Variants in EPHA8 observed in about 807,000 individuals in gnomAD.
EPHA8 encodes ephrin type-A receptor 8.
In EPHA8, 58 loss-of-function variants were observed where a neutral mutation model predicts 103.6. The observed-to-expected ratio is 0.56, with a 90% CI of 0.45 to 0.70. The LOEUF (loss-of-function observed/expected upper bound fraction) is 0.70. Ranked by LOEUF, EPHA8 falls within the 30% of genes least tolerant of loss-of-function variation. EPHA8 has a pLI of 0.00. For synonymous variants in EPHA8, 559 were observed against 572.5 expected, an observed-to-expected ratio of 0.98 and a Z score of 0.34; for missense variants, 1,304 against 1,395.2, an observed-to-expected ratio of 0.93 and a Z score of 1.04.
chr1:22,601,501 A>G (rs370009826), intron 16 of EPHA8, 28 bp downstream of exon 16: 17 of 1,558,226 alleles, frequency 1.1e-5, no homozygotes, highest in Non-Finnish European at 1.4e-5. Context: ...CTGGGGCCCC[A>G]TGCGTGTGGG....
chr1:22,594,436 G>A (rs999359464), intron 7 of EPHA8, among the ~76,000 whole-genome samples: 2 of 152,214 alleles, frequency 1.3e-5, no homozygotes, highest in South Asian at 2.1e-4. Context: ...CCAAAAATGC[G>A]AATTCCCAGT....
At position 22,576,625 on chromosome 1, in the gene EPHA8, G is replaced by T. The variant is rs768686298; in HGVS notation, c.568G>T (p.Ala190Ser). 21 of 1,613,860 alleles carry T rather than the reference G, an allele frequency of 1.3e-5. No homozygotes were observed. Among genetic ancestry groups the T allele is most frequent in the Non-Finnish European group, 1.7e-5 (20 of 1,180,032 alleles). ...GFYLAFQDIG[A>S]CLAILSLRIY... Reference sequence around the variant, plus strand: ...CTACCTGGCCTTCCAGGACATAGGTGCCTGCCTGGCCATCCTCTCTCTCCG... The same window carrying T: ...CTACCTGGCCTTCCAGGACATAGGTTCCTGCCTGGCCATCCTCTCTCTCCG... The change falls in exon 3 of 17, where the codon GCC becomes TCC. Residue 190 changes from alanine (A) to serine (S), a missense_variant. Transcript: ENST00000166244. This position sits in a 1 kb window ranked among gnomAD's most constrained non-coding sequence, Gnocchi z 4.8.
Position 22,601,091 on chromosome 1 carries a change from G to A in EPHA8, c.2729+3G>A. The A allele has an allele frequency of 6.2e-7, 1 of 1,600,694 alleles. No homozygotes were observed. The highest frequency in any genetic ancestry group is 8.5e-7 in the Non-Finnish European group (1 of 1,173,446). On this transcript the variant is annotated splice_donor_region_variant and intron_variant, in intron 15 of 16. Coordinates refer to ENST00000166244, the MANE Select transcript of EPHA8 (RefSeq NM_020526.5). Reference sequence around the variant, plus strand: ...AGGGCCACCGCCACAGTCAGCAGGTGCCTTGTGCCCACCCCAGCTCCTTGA... The same window carrying A: ...AGGGCCACCGCCACAGTCAGCAGGTACCTTGTGCCCACCCCAGCTCCTTGA...
chr1:22,578,976 T>C (rs663304), intron 3 of EPHA8, among the ~76,000 whole-genome samples: 48,679 of 146,582 alleles, frequency 0.33, 9,970 homozygotes, highest in African/African-American at 0.6. Flanking sequence ...TGTTCATGTG[T>C]GTGAGTGTAT....
intron 3 of EPHA8, among the ~76,000 whole-genome samples, chr1:22,578,825 A>G (rs111161986): frequency 0.091 from 13,497 of 147,884 alleles, 642 homozygotes; most frequent in South Asian, 0.19. Context: ...GTACATGTGC[A>G]TGCCTGTGTG....
intron 4 of EPHA8, among the ~76,000 whole-genome samples, chr1:22,587,950 C>T (rs1475824034): frequency 2.6e-5 from 4 of 152,150 alleles, no homozygotes; most frequent in African/African-American, 7.2e-5. Context: ...TCAGGCAAGT[C>T]GAGTCTGGCC....
At position 22,598,061 on chromosome 1, in the gene EPHA8, G is replaced by A. The variant is rs1342945996; in HGVS notation, c.2117-90G>A. On this transcript the variant is annotated intron_variant, in intron 11 of 16. Transcript: ENST00000166244. This position sits in a 1 kb window ranked among gnomAD's most constrained non-coding sequence, Gnocchi z 5.1. Reference sequence around the variant, plus strand: ...CCCTGGGGTTTCCAGTGCTGGCACAGGTCCTGAGATGGTGGTATGCTCCTG... The same window carrying A: ...CCCTGGGGTTTCCAGTGCTGGCACAAGTCCTGAGATGGTGGTATGCTCCTG... 2.0e-6 allele frequency: 3 copies of A among 1,490,474 alleles called. No individual in the cohort carries two copies. The South Asian group carries it at 3.4e-5, about 17-fold the overall frequency. The allele number at this position is 1,490,474 out of a possible 1,614,324, so 92.3% of individuals were successfully genotyped here.
intron 1 of EPHA8, among the ~76,000 whole-genome samples, chr1:22,568,892 G>A (rs2124509282): frequency 6.6e-6 from 1 of 152,306 alleles, no homozygotes; most frequent in East Asian, 1.9e-4. Flanking sequence ...TTACAGAGGA[G>A]GAAGCTGAGA....
At chr1:22,579,480 G>A (rs1391577397) in intron 3 of EPHA8, among the ~76,000 whole-genome samples, 3 of 151,734 alleles carry the variant, frequency 2.0e-5, no homozygotes, top group Admixed American at 1.3e-4. Flanking sequence ...ATGTATACGT[G>A]AGTGTATGTC....
Position 22,589,595 on chromosome 1 carries a change from C to A in EPHA8, c.1315+389C>A. The A allele has an allele frequency of 7.7e-7, 1 of 1,303,548 alleles. No individual in the cohort carries two copies. The highest frequency in any genetic ancestry group is 9.7e-7 in the Non-Finnish European group (1 of 1,031,352). 80.7% of individuals were successfully genotyped at this position (1,303,548 alleles called of 1,614,324 possible). On this transcript the variant is annotated intron_variant, in intron 5 of 16. Coordinates refer to ENST00000166244, the MANE Select transcript of EPHA8 (RefSeq NM_020526.5). The surrounding 1 kb of genome is among the most constrained non-coding windows in gnomAD (Gnocchi z 4.3). ...CCCAGCACCTGGCCCGTGGTAAATGCTCAATAAATGTCATTAAAAAATAAA... is the reference window on the plus strand; with the variant it reads ...CCCAGCACCTGGCCCGTGGTAAATGATCAATAAATGTCATTAAAAAATAAA...
In EPHA8 at chr1:22,589,334, C is replaced by A. The variant is rs762939441; in HGVS notation, c.1315+128C>A. 1.9e-6 allele frequency: 3 copies of A among 1,604,392 alleles called. No homozygotes were observed. Among genetic ancestry groups the A allele is most frequent in the Non-Finnish European group, 2.5e-6 (3 of 1,176,542 alleles). ...TTAGGCAAGTGCCTCTCTGGCCCTG[C>A]GCTCCTCACCAGGACCCAGAGCTGG... On this transcript the variant is annotated intron_variant, in intron 5 of 16. Coordinates refer to ENST00000166244, the MANE Select transcript of EPHA8 (RefSeq NM_020526.5). This position sits in a 1 kb window ranked among gnomAD's most constrained non-coding sequence, Gnocchi z 4.3.
chr1:22,600,067 TGGAG>T (rs148234823), intron 13 of EPHA8, among the ~76,000 whole-genome samples: 2,329 of 45,754 alleles, frequency 0.051, 117 homozygotes, highest in African/African-American at 0.15. Context: ...GAAGGGGGGA[TGGAG>T]GGAGGAAGGA....
intron 1 of EPHA8, among the ~76,000 whole-genome samples, chr1:22,565,248 GAC>G (rs1261700085): frequency 1.3e-5 from 2 of 152,214 alleles, no homozygotes. Flanking sequence ...AACACACACA[GAC>G]ACAGATAAAA....
intron 3 of EPHA8, among the ~76,000 whole-genome samples, chr1:22,579,044 T>C (rs1270472604): frequency 6.8e-6 from 1 of 146,546 alleles, no homozygotes; most frequent in Admixed American, 7.2e-5. Context: ...TGCATGTGTG[T>C]GCATTTGTGC....
rs114456592 is a variant in EPHA8 at position 22,572,563 on chromosome 1, C to T, written c.159+3210C>T. Among the ~76,000 whole-genome samples, 1,189 of 152,330 alleles carry T rather than the reference C, an allele frequency of 7.8e-3. 11 individuals carry two copies. Among genetic ancestry groups the T allele is most frequent in the African/African-American group, 0.027 (1,119 of 41,558 alleles). On this transcript the variant is annotated intron_variant, in intron 2 of 16. Coordinates refer to ENST00000166244, the MANE Select transcript of EPHA8 (RefSeq NM_020526.5). ...GCTCTGGCTAATTAACATGGACTAA[C>T]GAATGCTGCTTTAGGTAAGTGGGCA... is the stretch of plus-strand genomic sequence containing the variant.
chr1:22,598,944 C>T lies in EPHA8; in HGVS notation c.2285C>T (p.Ala762Val). 6.2e-7 allele frequency: 1 copy of T among 1,612,410 alleles called. No homozygotes were observed. The highest frequency in any genetic ancestry group is 8.5e-7 in the Non-Finnish European group (1 of 1,179,746). ...CTGGGCTATGTCCACCGAGACCTGG[C>T]CGCCCGCAACGTCCTGGTTGACAGC... is the stretch of plus-strand genomic sequence containing the variant. Reference protein sequence around the residue: ...SDLGYVHRDLAARNVLVDSNL... With the variant: ...SDLGYVHRDLVARNVLVDSNL... The change falls in exon 13 of 17, where the codon GCC becomes GTC. Residue 762 changes from alanine to valine, a missense_variant. Transcript: ENST00000166244. This position sits in a 1 kb window ranked among gnomAD's most constrained non-coding sequence, Gnocchi z 5.1.
intron 3 of EPHA8, among the ~76,000 whole-genome samples, chr1:22,578,870 CGTGTCCGTGTGTCCGTGTGTGCAT>C: frequency 8.1e-6 from 1 of 123,854 alleles, no homozygotes; most frequent in East Asian, 2.4e-4. Context: ...TGTATATGCA[CGTGTCCGTGTGTCCGTGTGTGCAT>C]GTGTGCATGT....
chr1:22,591,089 CT>C (rs1641360999), intron 5 of EPHA8, among the ~76,000 whole-genome samples: 1 of 152,018 alleles, frequency 6.6e-6, no homozygotes, highest in African/African-American at 2.4e-5. Context: ...CCTGAGTGAG[CT>C]TTAAAAATAG....
chr1:22,599,018 G>A lies in EPHA8; in HGVS notation c.2359G>A (p.Asp787Asn). The A allele has an allele frequency of 6.2e-7, 1 of 1,609,806 alleles. No individual in the cohort carries two copies. The highest frequency in any genetic ancestry group is 8.5e-7 in the Non-Finnish European group (1 of 1,178,672). The change falls in exon 13 of 17, where the codon GAC becomes AAC. Residue 787 changes from aspartate to asparagine, a missense_variant. By Grantham distance (23) the Asp-to-Asn change is conservative. Coordinates refer to ENST00000166244, the MANE Select transcript of EPHA8 (RefSeq NM_020526.5). ...CTTCGGGCTCTCACGGGTGCTGGAG[G>A]ACGACCCGGATGCTGCCTACACCAC... ...SDFGLSRVLE[D>N]DPDAAYTTTG... is the part of the protein sequence containing the mutation.
Sources: allele counts gnomAD v4.1 joint callset (sites outside exome capture counted in the v4.1 genomes callset), GRCh38; gene constraint gnomAD v4.1.1; non-coding constraint Gnocchi (gnomAD v3.1); transcripts MANE v1.5; gene names NCBI Gene and HGNC (gene_info 2026-07-23, HGNC 2026-07-21).